POLR3A: variants seen among roughly 807,000 people sequenced by gnomAD.
POLR3A encodes the protein DNA-directed RNA polymerase III subunit RPC1.
In POLR3A, 112 loss-of-function variants were observed where a neutral mutation model predicts 152.8. The ratio of observed to expected loss-of-function variants is 0.73; its 90% CI spans 0.63 to 0.86. The LOEUF (loss-of-function observed/expected upper bound fraction) is 0.86, where lower values mean the gene tolerates loss of function less well. Among genes scored for constraint, POLR3A ranks in the 40% least tolerant of loss-of-function variants. The pLI is 0.00. For missense variants in POLR3A, 1,385 were observed against 1,743.1 expected, an observed-to-expected ratio of 0.79 and a Z score of 3.66; for synonymous variants, 615 against 652.1, an observed-to-expected ratio of 0.94 and a Z score of 0.87.
intron 29 of POLR3A, among the ~76,000 whole-genome samples, chr10:77,980,813 A>G (rs1030388594): frequency 7.2e-5 from 11 of 152,240 alleles, no homozygotes; most frequent in Admixed American, 5.2e-4. Context: ...GAAGACATCG[A>G]ACCGACAGCC....
At position 78,004,746 on chromosome 10, in the gene POLR3A, C is replaced by G; in HGVS notation, c.2217G>C (p.Gln739His). 6.2e-7 allele frequency: 1 copy of G among 1,613,694 alleles called. No individual in the cohort carries two copies. Among genetic ancestry groups the G allele is most frequent in the Non-Finnish European group, 8.5e-7 (1 of 1,179,768 alleles). Residue 739 changes from glutamine (Q) to histidine (H), a missense_variant, in exon 16 of 31, where the codon CAG becomes CAC. Around this residue, in one of 7 missense-constraint regions of POLR3A, gnomAD observed 170 missense variants for 231.2 expected, o/e 0.74. Coordinates refer to ENST00000372371, the MANE Select transcript of POLR3A (RefSeq NM_007055.4). The stretch of plus-strand genomic sequence containing the variant: ...GGGTCTCCTCAGCAGTGCAGCCAGG[C>G]TGCTGCTGCAGCTTGCCCGTGTTCA... Reference protein sequence around the residue: ...EALNTGKLQQQPGCTAEETLE... With the variant: ...EALNTGKLQQHPGCTAEETLE...
rs556296476 is a variant in POLR3A, at chr10:78,022,460, A to G, written c.646-76T>C. The G allele has an allele frequency of 5.5e-5, 81 of 1,470,812 alleles. No individual in the cohort carries two copies. In the African/African-American group the frequency reaches 7.0e-4, roughly 13 times the overall value. The allele number at this position is 1,470,812 out of a possible 1,614,324, so 91.1% of individuals were successfully genotyped here. A position where few individuals can be genotyped will look rare whatever the true frequency, so the allele number is the denominator to read the frequency against. On this transcript the variant is annotated intron_variant, in intron 5 of 30. Coordinates refer to ENST00000372371, the MANE Select transcript of POLR3A (RefSeq NM_007055.4). ...AGCTTGGGCAAGGTTTTCCTTCACT[A>G]TGTTTTCTAACCTATCTGTCACTAA... is the stretch of plus-strand genomic sequence containing the variant.
Position 77,986,104 on chromosome 10 carries a change from T to C in POLR3A, c.2957A>G (p.Lys986Arg), listed in dbSNP as rs1847195645. The C allele has an allele frequency of 1.2e-6, 2 of 1,602,428 alleles. No individual in the cohort carries two copies. The highest frequency in any genetic ancestry group is 1.7e-6 in the Non-Finnish European group (2 of 1,169,390). ...VSEKIKKTRDKYGINDNGTTE... is the reference protein window; with the variant it reads ...VSEKIKKTRDRYGINDNGTTE... Reference sequence around the variant, plus strand: ...TGTGCCGTTATCATTGATGCCATATTTATCTCTGGTTTTCTTGATCTTCTC... The same window carrying C: ...TGTGCCGTTATCATTGATGCCATATCTATCTCTGGTTTTCTTGATCTTCTC... Residue 986 changes from lysine to arginine, a missense_variant, in exon 22 of 31, where the codon AAA becomes AGA. This residue lies in a region of POLR3A where 178 missense variants were observed against 204.6 expected (regional missense o/e 0.87). Transcript: ENST00000372371.
intron 2 of POLR3A, 124 bp downstream of exon 2, chr10:78,025,970 G>A: frequency 7.7e-7 from 1 of 1,297,500 alleles, no homozygotes; most frequent in Non-Finnish European, 1.1e-6. Flanking sequence ...TCTTGACCTA[G>A]TCTAATATGT....
At chr10:77,989,937 T>A (rs7077681) in intron 21 of POLR3A, among the ~76,000 whole-genome samples, 12,229 of 151,682 alleles carry the variant, frequency 0.081, 1,581 homozygotes, top group African/African-American at 0.27. Context: ...TCTGGAAGAG[T>A]CTCTTTTTCA....
At chr10:77,998,420 C>T (rs377437895) in intron 19 of POLR3A, among the ~76,000 whole-genome samples, 27 of 152,078 alleles carry the variant, frequency 1.8e-4, no homozygotes, top group African/African-American at 6.3e-4. Context: ...AAAGGGCTAA[C>T]ATCCAGAATC....
At chr10:77,997,327 G>T (rs1388210695) in intron 19 of POLR3A, among the ~76,000 whole-genome samples, 4 of 151,774 alleles carry the variant, frequency 2.6e-5, no homozygotes, top group African/African-American at 7.3e-5. Flanking sequence ...TCAAGCAGAA[G>T]GAAATAAAGG....
At chr10:77,979,792 C>T (rs1400142367) in intron 30 of POLR3A, among the ~76,000 whole-genome samples, 1 of 152,202 alleles carries the variant, frequency 6.6e-6, no homozygotes, top group Non-Finnish European at 1.5e-5. Flanking sequence ...AGTACCTGCT[C>T]CTGTCAGCCC....
chr10:77,983,562 C>T (rs918092283), intron 26 of POLR3A, among the ~76,000 whole-genome samples: 2 of 152,166 alleles, frequency 1.3e-5, no homozygotes, highest in African/African-American at 4.8e-5. Flanking sequence ...AGGCTAGCTG[C>T]CATGCTGGGC....
intron 11 of POLR3A, 83 bp downstream of exon 11, chr10:78,013,567 T>C: frequency 7.2e-7 from 1 of 1,394,688 alleles, no homozygotes; most frequent in Non-Finnish European, 1.0e-6. Flanking sequence ...CGTTGTTAGT[T>C]GTGGTGGTGT....
At chr10:77,996,266 G>C (rs1393408552) in intron 19 of POLR3A, among the ~76,000 whole-genome samples, 1 of 152,114 alleles carries the variant, frequency 6.6e-6, no homozygotes. Context: ...AGAAGCAAGA[G>C]CAAACACATT....
intron 16 of POLR3A, among the ~76,000 whole-genome samples, chr10:78,004,288 A>G (rs1300256712): frequency 1.3e-5 from 2 of 152,088 alleles, no homozygotes; most frequent in African/African-American, 2.4e-5. Context: ...CAAACCCCCA[A>G]AAACCAAAGA....
chr10:78,007,726 C>A lies in POLR3A; in HGVS notation c.2050G>T (p.Ala684Ser), dbSNP rs202145420. ...NEAADAMSRL[A>S]RLAPVYLSNR... ...CACAGGTAGACAGGAGCCAGCCTGG[C>A]GAGCCGTGACATGGCATCTGCAGCT... Residue 684 changes from alanine (A) to serine (S), a missense_variant, in exon 15 of 31, where the codon GCC (alanine) becomes TCC (serine). By Grantham distance (99) the Ala-to-Ser change is moderately conservative. Around this residue, in one of 7 missense-constraint regions of POLR3A, gnomAD observed 170 missense variants for 231.2 expected, o/e 0.74. Transcript: ENST00000372371. 3.1e-6 allele frequency: 5 copies of A among 1,591,610 alleles called. No homozygotes were observed. The highest frequency in any genetic ancestry group is 2.4e-5 in the East Asian group (1 of 42,280).
At chr10:78,008,316 C>T (rs1414013578) in intron 14 of POLR3A, among the ~76,000 whole-genome samples, 1 of 152,078 alleles carries the variant, frequency 6.6e-6, no homozygotes. Context: ...AATTCATATC[C>T]AAAAAGAAAC....
intron 15 of POLR3A, 47 bp downstream of exon 15, chr10:78,007,655 T>G (rs1847423642): frequency 6.5e-7 from 1 of 1,538,182 alleles, no homozygotes; most frequent in African/African-American, 1.4e-5. Context: ...CCCTTAAGAC[T>G]CTAACAATTG....
rs753230141 is a variant in POLR3A at position 78,026,188 on chromosome 10, C to A, written c.86G>T (p.Arg29Leu). The A allele has an allele frequency of 1.7e-5, 28 of 1,614,174 alleles. No individual in the cohort carries two copies. The highest frequency in any genetic ancestry group is 2.1e-5 in the Non-Finnish European group (25 of 1,180,004). ...CACAACTTGGATGTGCGCCTGCTGG[C>A]GCATCTCCTCAGGTGACTTCATTCC... ...CFGMKSPEEM[R>L]QQAHIQVVSK... is the part of the protein sequence containing the mutation. The change falls in exon 2 of 31, where the codon CGC becomes CTC. Residue 29 changes from arginine (R) to leucine (L), a missense_variant. This residue lies in a region of POLR3A where 493 missense variants were observed against 647.5 expected (regional missense o/e 0.76). Coordinates refer to ENST00000372371, the MANE Select transcript of POLR3A (RefSeq NM_007055.4).
chr10:77,977,767 C>T, intron 30 of POLR3A, 141 bp from the exon 31 acceptor site: 1 of 743,050 alleles, frequency 1.3e-6, no homozygotes, highest in African/African-American at 1.7e-5. Context: ...TGGCAAATCC[C>T]TTTCCTTCCC....
Position 78,001,065 on chromosome 10 carries a change from C to A in POLR3A, c.2389G>T (p.Ala797Ser). 1.2e-6 allele frequency: 2 copies of A among 1,608,166 alleles called. No individual in the cohort carries two copies. Among genetic ancestry groups the A allele is most frequent in the Non-Finnish European group, 1.7e-6 (2 of 1,174,908 alleles). The change falls in exon 18 of 31, where the codon GCC becomes TCC. Residue 797 changes from alanine (A) to serine (S), a missense_variant. Ala to Ser is a moderately conservative substitution (Grantham distance 99). Transcript: ENST00000372371. The part of the protein sequence containing the change: ...GSFINISQMI[A>S]CVGQQAISGS... ...CTGATGGCCTGCTGTCCCACACAGG[C>A]AATCATCTGTGATATGTTAATGAAG...
intron 19 of POLR3A, among the ~76,000 whole-genome samples, chr10:77,996,181 T>C (rs1253526887): frequency 6.6e-6 from 1 of 152,102 alleles, no homozygotes. Flanking sequence ...GGGAAATTTA[T>C]AGCACTAAAT....
Sources: gnomAD v4.1 joint callset for allele counts (sites outside exome capture counted in the v4.1 genomes callset) on GRCh38, gnomAD v4.1.1 for gene constraint, gnomAD v4.1.1 regional missense constraint, MANE v1.5 for transcripts, NCBI Gene and HGNC (gene_info 2026-07-23, HGNC 2026-07-21) for gene names.